Variants in FANK1 observed in about 807,000 individuals in gnomAD.
FANK1 encodes fibronectin type 3 and ankyrin repeat domains protein 1.
A neutral mutation model predicts 45.3 loss-of-function variants in FANK1; 44 were observed. The observed-to-expected ratio is 0.97, with a 90% CI of 0.76 to 1.25. The LOEUF (loss-of-function observed/expected upper bound fraction) is 1.25, where lower values mean the gene tolerates loss of function less well. Ranked by LOEUF, FANK1 falls within the 50% of genes most tolerant of loss-of-function variation. The pLI is 0.00. For synonymous variants in FANK1, 149 were observed against 152.5 expected (o/e 0.98, Z 0.17); for missense variants, 391 against 424.4 (o/e 0.92, Z 0.69).
At chr10:125,940,577 C>T (rs1948388055) in intron 1 of FANK1, among the ~76,000 whole-genome samples, 1 of 152,082 alleles carries the variant, frequency 6.6e-6, no homozygotes, top group African/African-American at 2.4e-5. Context: ...CCCAGGGGCA[C>T]GCAGGAGACA....
chr10:125,915,153 A>G (rs1589830028), intron 1 of FANK1, among the ~76,000 whole-genome samples: 2 of 152,226 alleles, frequency 1.3e-5, no homozygotes, highest in Non-Finnish European at 2.9e-5. Context: ...GGGGACTGCC[A>G]GGCTGCTCTT....
chr10:125,945,469 C>T (rs540204651), intron 1 of FANK1, among the ~76,000 whole-genome samples: 8 of 152,272 alleles, frequency 5.3e-5, no homozygotes, highest in East Asian at 3.9e-4. Flanking sequence ...GTTCCCTTTC[C>T]GAGTCAAAGA....
At chr10:125,964,386 T>C (rs1410029059) in intron 1 of FANK1, among the ~76,000 whole-genome samples, 1 of 151,784 alleles carries the variant, frequency 6.6e-6, no homozygotes, top group Non-Finnish European at 1.5e-5. Context: ...GCAGATGGGG[T>C]TTCACTATGT....
chr10:125,967,647 A>G (rs886817966), intron 1 of FANK1, among the ~76,000 whole-genome samples: 2 of 152,192 alleles, frequency 1.3e-5, no homozygotes, highest in African/African-American at 4.8e-5. Context: ...TCTGTAGCCC[A>G]GGCTGGGATG....
intron 1 of FANK1, among the ~76,000 whole-genome samples, chr10:125,967,232 A>G (rs1950242652): frequency 6.6e-6 from 1 of 152,154 alleles, no homozygotes; most frequent in Non-Finnish European, 1.5e-5. Context: ...AGCACATGGA[A>G]AGTTAAGGGC....
intron 1 of FANK1, among the ~76,000 whole-genome samples, chr10:125,902,310 G>A (rs1360413503): frequency 6.6e-6 from 1 of 152,218 alleles, no homozygotes; most frequent in Non-Finnish European, 1.5e-5. Context: ...GTAGGGTGGT[G>A]GAAGAGGTCA....
intron 1 of FANK1, among the ~76,000 whole-genome samples, chr10:125,899,806 T>G (rs192527086): frequency 6.6e-5 from 10 of 152,326 alleles, no homozygotes; most frequent in African/African-American, 2.4e-4. Flanking sequence ...TAAACCCTGT[T>G]CCTTTTGTTA....
At chr10:125,990,351 AC>A (rs1478832550) in intron 3 of FANK1, among the ~76,000 whole-genome samples, 1 of 152,092 alleles carries the variant, frequency 6.6e-6, no homozygotes, top group Non-Finnish European at 1.5e-5. Context: ...CTATGGTGGC[AC>A]CACTGCACTC....
At chr10:125,901,983 G>T (rs537321846) in intron 1 of FANK1, among the ~76,000 whole-genome samples, 18 of 152,314 alleles carry the variant, frequency 1.2e-4, no homozygotes, top group African/African-American at 3.8e-4. Context: ...GCCAGGTGTG[G>T]TGTTGCACGC....
intron 1 of FANK1, among the ~76,000 whole-genome samples, chr10:125,943,633 C>T (rs1026705321): frequency 2.6e-5 from 4 of 152,108 alleles, no homozygotes; most frequent in African/African-American, 9.7e-5. Flanking sequence ...AATGAACTCT[C>T]TATTCATGCT....
At chr10:125,952,457 A>T (rs1408081284) in intron 1 of FANK1, among the ~76,000 whole-genome samples, 1 of 152,124 alleles carries the variant, frequency 6.6e-6, no homozygotes. Context: ...ATTTCATCTG[A>T]ATAAAGCTGT....
intron 1 of FANK1, among the ~76,000 whole-genome samples, chr10:125,908,541 G>A (rs1945727219): frequency 6.6e-6 from 1 of 152,142 alleles, no homozygotes; most frequent in South Asian, 2.1e-4. Flanking sequence ...ATAGGTGGGA[G>A]CAAAGCTATG....
intron 1 of FANK1, chr10:125,974,804 G>GA (rs1367074240): frequency 6.6e-6 from 1 of 152,128 alleles, no homozygotes; most frequent in East Asian, 1.9e-4. Context: ...GTAAACTGCT[G>GA]AAAACTGTAG....
intron 7 of FANK1, among the ~76,000 whole-genome samples, chr10:126,006,801 A>G (rs962968675): frequency 3.9e-5 from 6 of 152,262 alleles, no homozygotes; most frequent in African/African-American, 1.4e-4. Context: ...TGGAGGTTGC[A>G]GTGAGCCAAG....
At chr10:125,924,822 A>AT (rs1947230267) in intron 1 of FANK1, among the ~76,000 whole-genome samples, 2 of 152,146 alleles carry the variant, frequency 1.3e-5, no homozygotes, top group Non-Finnish European at 2.9e-5. Flanking sequence ...AAAAAAAAAA[A>AT]AAAAAAGACT....
chr10:125,941,098 T>G (rs2134153549), intron 1 of FANK1, among the ~76,000 whole-genome samples: 1 of 152,288 alleles, frequency 6.6e-6, no homozygotes, highest in South Asian at 2.1e-4. Flanking sequence ...ATTTCTAAAC[T>G]TGGGATAGGA....
intron 1 of FANK1, chr10:125,979,867 A>AC (rs747896287): frequency 2.3e-4 from 119 of 522,350 alleles, no homozygotes; most frequent in Non-Finnish European, 3.0e-5. Flanking sequence ...GTCAAATACA[A>AC]CCTTATTAGT....
intron 1 of FANK1, among the ~76,000 whole-genome samples, chr10:125,902,193 A>G (rs1945095330): frequency 6.6e-6 from 1 of 152,216 alleles, no homozygotes; most frequent in Non-Finnish European, 1.5e-5. Context: ...GCACACCAGC[A>G]TGGCACATGT....
chr10:125,916,205 T>C (rs900746088), intron 1 of FANK1, among the ~76,000 whole-genome samples: 2 of 152,014 alleles, frequency 1.3e-5, no homozygotes, highest in African/African-American at 4.8e-5. Flanking sequence ...GCCCAGCTAA[T>C]TTTTGCATTT....
Sources: gnomAD v4.1 joint callset for allele counts (sites outside exome capture counted in the v4.1 genomes callset) on GRCh38, gnomAD v4.1.1 for gene constraint, MANE v1.5 for transcripts, NCBI Gene and HGNC (gene_info 2026-07-23, HGNC 2026-07-21) for gene names.